Variants in OR8B8 observed in about 807,000 individuals in gnomAD.
OR8B8 encodes olfactory receptor 8B8.
Under a neutral mutation model 10.5 loss-of-function variants are expected in OR8B8, and 8 were observed. The ratio of observed to expected loss-of-function variants is 0.76; its 90% CI spans 0.45 to 1.38. The LOEUF is 1.38. OR8B8 is among the 40% of genes most tolerant of loss of function. The pLI, the probability that OR8B8 is intolerant of heterozygous loss-of-function variation, is 0.00. For missense variants in OR8B8, 390 were observed against 380.5 expected, an observed-to-expected ratio of 1.03 and a Z score of -0.21; for synonymous variants, 150 against 145.2, an observed-to-expected ratio of 1.03 and a Z score of -0.24.
At chr11:124,442,077 T>C (rs1007252760) in intron 1 of OR8B8, among the ~76,000 whole-genome samples, 3 of 152,208 alleles carry the variant, frequency 2.0e-5, no homozygotes, top group African/African-American at 7.2e-5. Context: ...TTCCTAGCAT[T>C]ATGCACTGAC....
rs144273608 is a variant in OR8B8 at position 124,440,604 on chromosome 11, G to T, written c.482C>A (p.Ala161Glu). The change falls in exon 3 of 3, where the codon GCG (alanine) becomes GAG (glutamate). Residue 161 changes from alanine (A) to glutamate (E), a missense_variant. By Grantham distance (107) the Ala-to-Glu change is moderately radical. Coordinates refer to ENST00000642064, the MANE Select transcript of OR8B8 (RefSeq NM_012378.2). ...ACAGAAGGTCACACCCATCATGCAC[G>T]CTGTGTGGGCCATGGCCCCAGCAAA... is the stretch of plus-strand genomic sequence containing the variant. ...MGFAGAMAHT[A>E]CMMGVTFCAN... 5.6e-6 allele frequency: 9 copies of T among 1,614,104 alleles called. No homozygotes were observed. The highest frequency in any genetic ancestry group is 7.6e-6 in the Non-Finnish European group (9 of 1,179,988).
chr11:124,442,870 A>G (rs1354977894), intron 1 of OR8B8, among the ~76,000 whole-genome samples: 2 of 152,250 alleles, frequency 1.3e-5, no homozygotes, highest in Admixed American at 6.5e-5. Flanking sequence ...ATATTTAAAA[A>G]TCATCTAATC....
chr11:124,444,534 T>C (rs1043148827), intron 1 of OR8B8, among the ~76,000 whole-genome samples: 6 of 152,224 alleles, frequency 3.9e-5, no homozygotes, highest in African/African-American at 1.2e-4. Context: ...CCATGAACTA[T>C]AATGATGCTA....
Position 124,440,289 on chromosome 11 carries a change from A to G in OR8B8, c.797T>C (p.Leu266Ser). ...AFMYLKPFSLLAMNQGKVSSL... is the reference protein window; with the variant it reads ...AFMYLKPFSLSAMNQGKVSSL... ...AGACACCTTGCCCTGGTTCATAGCT[A>G]AAAGAGAAAAGGGTTTGAGGTACAT... The change falls in exon 3 of 3, where the codon TTA becomes TCA. Residue 266 changes from leucine (L) to serine (S), a missense_variant. Transcript: ENST00000642064. The G allele has an allele frequency of 6.2e-7, 1 of 1,614,188 alleles. No homozygotes were observed. The highest frequency in any genetic ancestry group is 8.5e-7 in the Non-Finnish European group (1 of 1,180,036).
chr11:124,443,077 T>TCACCCTATTGATCTGGATGTTTA (rs1861492909), intron 1 of OR8B8, among the ~76,000 whole-genome samples: 79 of 152,048 alleles, frequency 5.2e-4, no homozygotes, highest in South Asian at 8.3e-4. Context: ...TAGGCAGGTT[T>TCACCCTATTGATCTGGATGTTTA]GGGATTCAAT....
In OR8B8 at chr11:124,440,706, C is replaced by T. The variant is rs1339228171; in HGVS notation, c.380G>A (p.Cys127Tyr). The stretch of plus-strand genomic sequence containing the variant: ...GGTGACCATGTACAACAGTGGGTTA[C>T]AGATGGCCACATAGCGGTCATACGC... ...AMAYDRYVAI[C>Y]NPLLYMVTMS... The change falls in exon 3 of 3, where the codon TGT becomes TAT. Residue 127 changes from cysteine (C) to tyrosine (Y), a missense_variant. Cys to Tyr is a radical substitution (Grantham distance 194). Transcript: ENST00000642064. 1 of 1,614,062 alleles carries T rather than the reference C, an allele frequency of 6.2e-7. No homozygotes were observed. The highest frequency in any genetic ancestry group is 2.2e-5 in the East Asian group (1 of 44,882).
intron 1 of OR8B8, among the ~76,000 whole-genome samples, chr11:124,443,502 A>G (rs560864815): frequency 5.3e-5 from 8 of 152,318 alleles, no homozygotes; most frequent in Admixed American, 5.2e-4. Flanking sequence ...ACACGATGCC[A>G]TAGCTCAAAG....
In OR8B8 at chr11:124,440,174, G is replaced by T. The variant is rs76671561; in HGVS notation, c.912C>A (p.Ile304=). The T allele has an allele frequency of 1.2e-5, 19 of 1,611,894 alleles. No homozygotes were observed. The highest frequency in any genetic ancestry group is 1.5e-5 in the Non-Finnish European group (18 of 1,179,376). ...CTCAGGAGAATGCATTTTTGTTCAA[G>T]ATTTTCTTTAGAGCAACTTTGACGT... ...NKDVKVALKK[I]LNKNAFS The change falls in exon 3 of 3, where the codon ATC becomes ATA. Residue 304 remains isoleucine (I), a synonymous_variant. Transcript: ENST00000642064.
intron 1 of OR8B8, among the ~76,000 whole-genome samples, chr11:124,442,482 C>T (rs1861484790): frequency 6.6e-6 from 1 of 152,210 alleles, no homozygotes; most frequent in South Asian, 2.1e-4. Flanking sequence ...TGCTGAGCTG[C>T]ACAATACCCA....
rs1270947733 is a variant in OR8B8 at position 124,440,056 on chromosome 11, G to A, written c.*94C>T. Reference sequence around the variant, plus strand: ...CCCTTAAAATGGGGATGATGAACCTGTTTGAGGAAAAATTATATTTCTTCC... The same window carrying A: ...CCCTTAAAATGGGGATGATGAACCTATTTGAGGAAAAATTATATTTCTTCC... On this transcript the variant is annotated 3_prime_UTR_variant, in exon 3 of 3. Coordinates refer to ENST00000642064, the MANE Select transcript of OR8B8 (RefSeq NM_012378.2). The A allele has an allele frequency of 2.9e-6, 3 of 1,031,172 alleles. No individual in the cohort carries two copies. Among genetic ancestry groups the A allele is most frequent in the Non-Finnish European group, 4.2e-6 (3 of 708,998 alleles). 63.9% of individuals were successfully genotyped at this position (1,031,172 alleles called of 1,614,324 possible).
rs150153041 is a variant in OR8B8 at position 124,440,960 on chromosome 11, G to A, written c.126C>T (p.Asn42=). Reference sequence around the variant, plus strand: ...GCCTTATCAGGGTTATCAAGCCCAGGTTCCCCACCACAGTGACCACGTAGA... The same window carrying A: ...GCCTTATCAGGGTTATCAAGCCCAGATTCCCCACCACAGTGACCACGTAGA... ...LGFYVVTVVG[N]LGLITLIRLN... is the part of the protein sequence containing the mutation. The change falls in exon 3 of 3, where the codon AAC becomes AAT. Residue 42 remains asparagine (N), a synonymous_variant. Coordinates refer to ENST00000642064, the MANE Select transcript of OR8B8 (RefSeq NM_012378.2). The A allele has an allele frequency of 3.7e-6, 6 of 1,613,990 alleles. No homozygotes were observed. Among genetic ancestry groups the A allele is most frequent in the African/African-American group, 1.3e-5 (1 of 74,910 alleles).
At chr11:124,443,718 T>C (rs947145083) in intron 1 of OR8B8, among the ~76,000 whole-genome samples, 3 of 152,222 alleles carry the variant, frequency 2.0e-5, no homozygotes, top group African/African-American at 7.2e-5. Context: ...GCACATGTTT[T>C]ATGCCTCATT....
chr11:124,443,360 T>C (rs1396109601), intron 1 of OR8B8, among the ~76,000 whole-genome samples: 1 of 152,092 alleles, frequency 6.6e-6, no homozygotes, highest in Non-Finnish European at 1.5e-5. Flanking sequence ...TGTGAATCCA[T>C]GGAATATATT....
Position 124,439,905 on chromosome 11 carries a change from G to C in OR8B8, c.*245C>G, listed in dbSNP as rs1186979651. On this transcript the variant is annotated 3_prime_UTR_variant, in exon 3 of 3. Coordinates refer to ENST00000642064, the MANE Select transcript of OR8B8 (RefSeq NM_012378.2). ...CGCAGTTCCACTGCTGAGCAGCTGAGCGACCTCGGGGAAGGTACATAAGCT... is the reference window on the plus strand; with the variant it reads ...CGCAGTTCCACTGCTGAGCAGCTGACCGACCTCGGGGAAGGTACATAAGCT... 2.4e-6 allele frequency: 1 copy of C among 425,106 alleles called. No individual in the cohort carries two copies. The highest frequency in any genetic ancestry group is 3.8e-5 in the East Asian group (1 of 26,640). 26.3% of individuals were successfully genotyped at this position (425,106 alleles called of 1,614,324 possible).
chr11:124,440,747 G>A lies in OR8B8; in HGVS notation c.339C>T (p.Phe113=). Residue 113 remains phenylalanine, a synonymous_variant, in exon 3 of 3, where the codon TTC becomes TTT. Coordinates refer to ENST00000642064, the MANE Select transcript of OR8B8 (RefSeq NM_012378.2). ...FFLFFVVSES[F]ILSAMAYDRY... is the part of the protein sequence containing the mutation. ...GGTCATACGCCATTGCTGACAGGAT[G>A]AAGGACTCAGAGACAACAAAGAAAA... The A allele has an allele frequency of 6.2e-7, 1 of 1,614,178 alleles. No homozygotes were observed. The highest frequency in any genetic ancestry group is 8.5e-7 in the Non-Finnish European group (1 of 1,180,016).
chr11:124,438,764 T>C lies in OR8B8; in HGVS notation c.*1386A>G, dbSNP rs913152859. On this transcript the variant is annotated 3_prime_UTR_variant, in exon 3 of 3. Transcript: ENST00000642064. ...CTGGGTTAGCAACAGCAGGGAGACA[T>C]TATCACTCCTTGGCATGAAGAGACG... is the stretch of plus-strand genomic sequence containing the variant. 28 of 152,228 alleles carry C rather than the reference T, an allele frequency of 1.8e-4. No individual in the cohort carries two copies. The highest frequency in any genetic ancestry group is 6.5e-4 in the African/African-American group (27 of 41,448). 9.4% of individuals were successfully genotyped at this position (152,228 alleles called of 1,614,324 possible). A position where few individuals can be genotyped will look rare whatever the true frequency, so the allele number is the denominator to read the frequency against.
intron 1 of OR8B8, among the ~76,000 whole-genome samples, chr11:124,442,760 C>T (rs1861488039): frequency 6.6e-6 from 1 of 152,178 alleles, no homozygotes; most frequent in Non-Finnish European, 1.5e-5. Flanking sequence ...TCCCCTCTCT[C>T]GTGACAAAAG....
At position 124,437,666 on chromosome 11, in the gene OR8B8, G is replaced by GTGTGTGTGTT. The variant is rs1861418724; in HGVS notation, c.*2483_*2484insAACACACACA. 8.2e-6 allele frequency: 1 copy of GTGTGTGTGTT among 122,228 alleles called. No individual in the cohort carries two copies. 7.6% of individuals were successfully genotyped at this position (122,228 alleles called of 1,614,324 possible). A position where few individuals can be genotyped will look rare whatever the true frequency, so the allele number is the denominator to read the frequency against. On this transcript the variant is annotated 3_prime_UTR_variant, in exon 3 of 3. Coordinates refer to ENST00000642064, the MANE Select transcript of OR8B8 (RefSeq NM_012378.2). ...TGTGTGTGTGTGTGTGTGTGTGTGT[G>GTGTGTGTGTT]TGCGCGCGCGCGTGCGTGCGTGCTG...
chr11:124,439,330 T>G lies in OR8B8; in HGVS notation c.*820A>C, dbSNP rs1861440240. 6.6e-6 allele frequency: 1 copy of G among 152,306 alleles called. No homozygotes were observed. Among genetic ancestry groups the G allele is most frequent in the Non-Finnish European group, 1.5e-5 (1 of 68,146 alleles). 9.4% of individuals were successfully genotyped at this position (152,306 alleles called of 1,614,324 possible). A position where few individuals can be genotyped will look rare whatever the true frequency, so the allele number is the denominator to read the frequency against. ...TCGCTGCAACCTCCACCTCCTGGGT[T>G]CAAGCGATTTTCCTCCCTCAGTCTC... is the stretch of plus-strand genomic sequence containing the variant. On this transcript the variant is annotated 3_prime_UTR_variant, in exon 3 of 3. Transcript: ENST00000642064.
Sources: allele counts gnomAD v4.1 joint callset (sites outside exome capture counted in the v4.1 genomes callset), GRCh38; gene constraint gnomAD v4.1.1; transcripts MANE v1.5; gene names NCBI Gene and HGNC (gene_info 2026-07-23, HGNC 2026-07-21).